Variants in ST6GALNAC3 observed in about 807,000 individuals in gnomAD.
The protein encoded by ST6GALNAC3 is ST6 N-acetylgalactosaminide alpha-2,6-sialyltransferase 3.
In ST6GALNAC3, 25 loss-of-function variants were observed where a neutral mutation model predicts 32.7. The ratio of observed to expected loss-of-function variants is 0.76; its 90% confidence interval spans 0.56 to 1.07. The LOEUF is 1.07. Among genes scored for constraint, ST6GALNAC3 ranks in the 50% least tolerant of loss-of-function variants. The pLI is 0.00. For synonymous variants in ST6GALNAC3, 129 were observed against 133.1 expected (o/e 0.97, Z 0.21); for missense variants, 355 against 382.4 (o/e 0.93, Z 0.60).
rs1647454674 is a variant in ST6GALNAC3, at chr1:76,336,140, GT to G, written c.213+22142del. ...TGGGAAGAAGCTATGATTTCTCACT[GT>G]GGATTTCCTCAGAGTGCCATTAGTG... On this transcript the variant is annotated intron_variant, in intron 2 of 4. Coordinates refer to ENST00000328299, the MANE Select transcript of ST6GALNAC3 (RefSeq NM_152996.4). Among the ~76,000 whole-genome samples, 4 of 152,324 alleles carry G rather than the reference GT, an allele frequency of 2.6e-5. No individual in the cohort carries two copies. In the South Asian group the frequency reaches 8.3e-4, roughly 32 times the overall value.
chr1:76,520,293 C>CCT (rs1203483996), intron 3 of ST6GALNAC3, among the ~76,000 whole-genome samples: 1 of 152,110 alleles, frequency 6.6e-6, no homozygotes, highest in Non-Finnish European at 1.5e-5. Context: ...ATAAAGGGCC[C>CCT]CTCTATAAGG....
intron 3 of ST6GALNAC3, among the ~76,000 whole-genome samples, chr1:76,556,046 C>A (rs1198677651): frequency 6.6e-6 from 1 of 152,032 alleles, no homozygotes; most frequent in African/African-American, 2.4e-5. Context: ...CTCCTAATAA[C>A]CCTAGCTGTA....
chr1:76,581,518 C>G (rs914358739), intron 3 of ST6GALNAC3, among the ~76,000 whole-genome samples: 2 of 152,142 alleles, frequency 1.3e-5, no homozygotes, highest in African/African-American at 4.8e-5. Context: ...TAAACACTCA[C>G]TAAATTCATG....
intron 3 of ST6GALNAC3, among the ~76,000 whole-genome samples, chr1:76,540,129 G>A (rs1177805879): frequency 1.3e-5 from 2 of 152,108 alleles, no homozygotes; most frequent in South Asian, 2.1e-4. Context: ...GTGATAGACT[G>A]GATAGAAAAA....
chr1:76,275,600 C>G (rs1659089561), intron 1 of ST6GALNAC3, among the ~76,000 whole-genome samples: 1 of 152,092 alleles, frequency 6.6e-6, no homozygotes, highest in Non-Finnish European at 1.5e-5. Flanking sequence ...TGAGTCTCTA[C>G]TGGTGGGGAT....
chr1:76,406,953 C>A (rs1261304645), intron 2 of ST6GALNAC3, among the ~76,000 whole-genome samples: 1 of 151,914 alleles, frequency 6.6e-6, no homozygotes, highest in Non-Finnish European at 1.5e-5. Context: ...ATATGACTGA[C>A]CTGTAATAGG....
intron 3 of ST6GALNAC3, among the ~76,000 whole-genome samples, chr1:76,538,284 A>G (rs1663751334): frequency 6.6e-6 from 1 of 152,226 alleles, no homozygotes; most frequent in African/African-American, 2.4e-5. Flanking sequence ...TATTATCTCA[A>G]TAGATGGAGA....
chr1:76,473,210 T>C (rs540150437), intron 3 of ST6GALNAC3, among the ~76,000 whole-genome samples: 1 of 152,104 alleles, frequency 6.6e-6, no homozygotes, highest in Non-Finnish European at 1.5e-5. Context: ...GAGTGAGGAA[T>C]AGAGTAGAAC....
At chr1:76,377,953 G>C (rs1040494865) in intron 2 of ST6GALNAC3, among the ~76,000 whole-genome samples, 1 of 152,132 alleles carries the variant, frequency 6.6e-6, no homozygotes, top group East Asian at 1.9e-4. Context: ...AGAAGATAGT[G>C]CCCCAGACAT....
chr1:76,345,695 C>T (rs971299444), intron 2 of ST6GALNAC3, among the ~76,000 whole-genome samples: 1 of 152,180 alleles, frequency 6.6e-6, no homozygotes, highest in East Asian at 1.9e-4. Context: ...ATTCTTCAGT[C>T]ACCTCTCATC....
chr1:76,440,081 A>G (rs1442699023), intron 3 of ST6GALNAC3, among the ~76,000 whole-genome samples: 1 of 152,192 alleles, frequency 6.6e-6, no homozygotes, highest in Non-Finnish European at 1.5e-5. Context: ...ATATAATTAT[A>G]TTTCGTTTTA....
intron 2 of ST6GALNAC3, among the ~76,000 whole-genome samples, chr1:76,341,603 G>GC (rs1570893161): frequency 8.2e-6 from 1 of 122,366 alleles, no homozygotes; most frequent in South Asian, 2.7e-4. Context: ...TCTCCAAACT[G>GC]CTTTTCTTTC....
At chr1:76,625,482 GA>G (rs745817829) in intron 3 of ST6GALNAC3, among the ~76,000 whole-genome samples, 13 of 148,796 alleles carry the variant, frequency 8.7e-5, no homozygotes, top group South Asian at 2.1e-4. Context: ...AGAAAGAAGA[GA>G]AAAAAAAAGA....
chr1:76,525,755 A>G lies in ST6GALNAC3; in HGVS notation c.624-101697A>G, dbSNP rs71656888. The stretch of plus-strand genomic sequence containing the variant: ...TGTATATGTATATATATATGTGTAT[A>G]TATGTGTATGTGTGTTTGTGTGTGT... On this transcript the variant is annotated intron_variant, in intron 3 of 4. Transcript: ENST00000328299. 9.2e-5 allele frequency among the ~76,000 whole-genome samples: 11 copies of G among 118,994 alleles called. No individual in the cohort carries two copies. In the East Asian group the frequency reaches 2.2e-3, roughly 24 times the overall value. The allele number at this position is 118,994 out of a possible 152,430, so 78.1% of individuals were successfully genotyped here.
Position 76,367,583 on chromosome 1 carries a change from A to G in ST6GALNAC3, c.214-44425A>G, listed in dbSNP as rs558214741. 5.1e-4 allele frequency among the ~76,000 whole-genome samples: 77 copies of G among 152,284 alleles called. 1 individual carries two copies. Among genetic ancestry groups the G allele is most frequent in the African/African-American group, 1.2e-3 (49 of 41,558 alleles). ...ATTTTTATTATAAACCCACCAAAGT[A>G]AAAGTTCTCAGCTTACATATTATAG... On this transcript the variant is annotated intron_variant, in intron 2 of 4. Transcript: ENST00000328299.
At chr1:76,624,619 G>A (rs1172369534) in intron 3 of ST6GALNAC3, among the ~76,000 whole-genome samples, 3 of 151,900 alleles carry the variant, frequency 2.0e-5, no homozygotes, top group South Asian at 2.1e-4. Context: ...ACATCAAAGG[G>A]AGGATGATTT....
At chr1:76,135,986 G>T (rs1308950484) in intron 1 of ST6GALNAC3, among the ~76,000 whole-genome samples, 1 of 152,142 alleles carries the variant, frequency 6.6e-6, no homozygotes, top group African/African-American at 2.4e-5. Flanking sequence ...TTCTGCTCAG[G>T]ATGGGGCCCT....
At chr1:76,376,790 G>A (rs546075192) in intron 2 of ST6GALNAC3, among the ~76,000 whole-genome samples, 5 of 152,086 alleles carry the variant, frequency 3.3e-5, no homozygotes, top group East Asian at 1.9e-4. Flanking sequence ...TTTTCTGTTC[G>A]TTTCCACCAT....
At chr1:76,102,407 C>T (rs1356039651) in intron 1 of ST6GALNAC3, among the ~76,000 whole-genome samples, 3 of 152,024 alleles carry the variant, frequency 2.0e-5, no homozygotes, top group Non-Finnish European at 4.4e-5. Flanking sequence ...TGTAATAATA[C>T]ACGGGTGGGT....
Sources: allele counts gnomAD v4.1 joint callset (sites outside exome capture counted in the v4.1 genomes callset), GRCh38; gene constraint gnomAD v4.1.1; transcripts MANE v1.5; gene names NCBI Gene and HGNC (gene_info 2026-07-23, HGNC 2026-07-21).